Variants in STK3 observed in about 807,000 individuals in gnomAD.
STK3 encodes the protein serine/threonine kinase 3.
A neutral mutation model predicts 58.0 loss-of-function variants in STK3; 41 were observed. The observed-to-expected ratio is 0.71, with a 90% confidence interval of 0.55 to 0.92. The LOEUF (loss-of-function observed/expected upper bound fraction) is 0.92, where lower values mean the gene tolerates loss of function less well. STK3 is among the 40% of genes least tolerant of loss of function. STK3 has a pLI of 0.00. For synonymous variants in STK3, 170 were observed against 191.0 expected, an observed-to-expected ratio of 0.89 and a Z score of 0.91; for missense variants, 479 against 602.7, an observed-to-expected ratio of 0.79 and a Z score of 2.15.
intron 3 of STK3, among the ~76,000 whole-genome samples, chr8:98,421,110 C>T (rs761791414): frequency 7.2e-5 from 11 of 152,164 alleles, no homozygotes; most frequent in African/African-American, 1.7e-4. Flanking sequence ...CTGAACGCAC[C>T]GGAGGGCCTC....
At chr8:98,421,987 A>C (rs1818179973) in intron 3 of STK3, among the ~76,000 whole-genome samples, 1 of 151,992 alleles carries the variant, frequency 6.6e-6, no homozygotes, top group African/African-American at 2.4e-5. Flanking sequence ...AGACTGGAGG[A>C]TCTGGGCCCC....
intron 10 of STK3, among the ~76,000 whole-genome samples, chr8:98,489,419 ATTAATTTACCT>A (rs970735207): frequency 6.6e-6 from 1 of 152,148 alleles, no homozygotes; most frequent in African/African-American, 2.4e-5. Flanking sequence ...CCTCTTCCCA[ATTAATTTACCT>A]TTCAATTTAG....
At chr8:98,441,946 A>G (rs760730506) in intron 1 of STK3, among the ~76,000 whole-genome samples, 1 of 152,052 alleles carries the variant, frequency 6.6e-6, no homozygotes, top group African/African-American at 2.4e-5. Flanking sequence ...TGCCCCCAGG[A>G]TACCTGCTCC....
intron 6 of STK3, among the ~76,000 whole-genome samples, chr8:98,684,303 C>T (rs1823831592): frequency 6.6e-6 from 1 of 152,086 alleles, no homozygotes; most frequent in Non-Finnish European, 1.5e-5. Context: ...AATAAACTGT[C>T]AATAAGCAGG....
chr8:98,347,210 A>ATT, the STK3 span, among the ~76,000 whole-genome samples: 1 of 151,880 alleles, frequency 6.6e-6, no homozygotes, highest in African/African-American at 2.4e-5. Flanking sequence ...TGATAAAAAT[A>ATT]TTTTTTAAAA....
At chr8:98,614,040 A>G (rs1817435581) in intron 6 of STK3, among the ~76,000 whole-genome samples, 1 of 152,222 alleles carries the variant, frequency 6.6e-6, no homozygotes, top group African/African-American at 2.4e-5. Flanking sequence ...TATAAAATAT[A>G]TGAAGCAAAA....
chr8:98,554,627 TAAA>T (rs889659887), intron 8 of STK3, among the ~76,000 whole-genome samples: 4 of 152,072 alleles, frequency 2.6e-5, no homozygotes, highest in Admixed American at 1.3e-4. Flanking sequence ...AAATTGACAG[TAAA>T]AAATAGCAAT....
At chr8:98,587,815 G>C (rs1386766887) in intron 7 of STK3, among the ~76,000 whole-genome samples, 1 of 152,118 alleles carries the variant, frequency 6.6e-6, no homozygotes, top group Non-Finnish European at 1.5e-5. Flanking sequence ...AGTATAGTTA[G>C]CTCTTCTTGT....
intron 3 of STK3, among the ~76,000 whole-genome samples, chr8:98,757,083 A>G (rs776993311): frequency 6.6e-6 from 1 of 151,938 alleles, no homozygotes; most frequent in Non-Finnish European, 1.5e-5. Context: ...GTGACACAGC[A>G]CGCCTCCTTC....
chr8:98,479,592 T>G (rs1025481368), intron 10 of STK3, among the ~76,000 whole-genome samples: 68 of 150,506 alleles, frequency 4.5e-4, no homozygotes, highest in African/African-American at 1.6e-3. Flanking sequence ...GATAATAAAC[T>G]GTGGACAAAA....
intron 10 of STK3, among the ~76,000 whole-genome samples, chr8:98,505,670 G>A (rs995507598): frequency 3.3e-5 from 5 of 152,140 alleles, no homozygotes; most frequent in African/African-American, 1.2e-4. Context: ...AGGTCTGTTG[G>A]AGTCTGCTGG....
At chr8:98,761,578 C>G (rs561196440) in intron 3 of STK3, among the ~76,000 whole-genome samples, 106 of 152,148 alleles carry the variant, frequency 7.0e-4, no homozygotes, top group Non-Finnish European at 1.2e-3. Context: ...TCATTTTCAT[C>G]AACATCTTAC....
At chr8:98,719,512 G>A (rs1392770557) in intron 4 of STK3, among the ~76,000 whole-genome samples, 2 of 152,112 alleles carry the variant, frequency 1.3e-5, no homozygotes, top group Admixed American at 1.3e-4. Context: ...AAAGCCACTG[G>A]ACAAATCCAC....
chr8:98,893,466 GAAAGAAAGAA>G (rs1212532140), intron 1 of STK3, among the ~76,000 whole-genome samples: 25 of 84,716 alleles, frequency 3.0e-4, no homozygotes, highest in African/African-American at 1.4e-3. Context: ...AAGAAAGAAA[GAAAGAAAGAA>G]AGAAAGAAAG....
intron 6 of STK3, among the ~76,000 whole-genome samples, chr8:98,680,388 T>C (rs998144026): frequency 3.9e-5 from 6 of 152,182 alleles, no homozygotes; most frequent in African/African-American, 1.4e-4. Context: ...ATTGGCTTCA[T>C]ACACTACTCT....
At chr8:98,549,426 A>T (rs1262362523) in intron 8 of STK3, among the ~76,000 whole-genome samples, 1 of 152,102 alleles carries the variant, frequency 6.6e-6, no homozygotes, top group Non-Finnish European at 1.5e-5. Context: ...ATATCCATTT[A>T]CCCATTTTAA....
intron 6 of STK3, among the ~76,000 whole-genome samples, chr8:98,688,057 A>AT (rs1824135420): frequency 1.3e-5 from 2 of 152,304 alleles, no homozygotes; most frequent in South Asian, 4.1e-4. Context: ...AACAACACCC[A>AT]TAGACTCATA....
intron 10 of STK3, among the ~76,000 whole-genome samples, chr8:98,495,700 A>C (rs1823075765): frequency 6.6e-6 from 1 of 152,230 alleles, no homozygotes; most frequent in Non-Finnish European, 1.5e-5. Context: ...AAGACATGCA[A>C]TAGCAATTTT....
intron 1 of STK3, among the ~76,000 whole-genome samples, chr8:98,918,357 TAGAGACTGATTA>T (rs1444555373): frequency 6.6e-6 from 1 of 152,240 alleles, no homozygotes; most frequent in Non-Finnish European, 1.5e-5. Flanking sequence ...TAACTTATCC[TAGAGACTGATTA>T]AGAGCCTGGA....
Sources: gnomAD v4.1 joint callset for allele counts (sites outside exome capture counted in the v4.1 genomes callset) on GRCh38, gnomAD v4.1.1 for gene constraint, MANE v1.5 for transcripts, NCBI Gene and HGNC (gene_info 2026-07-23, HGNC 2026-07-21) for gene names.